Variants in FBXW7 observed in about 807,000 individuals in gnomAD.
FBXW7 encodes F-box and WD repeat domain containing 7, also known as F-box/WD repeat-containing protein 7.
FBXW7 carries 11 observed loss-of-function variants against 86.3 expected under a neutral mutation model. The ratio of observed to expected loss-of-function variants is 0.13; its 90% CI spans 0.08 to 0.21. The LOEUF is 0.21. Among genes scored for constraint, FBXW7 ranks in the 10% least tolerant of loss-of-function variants. The pLI is 1.00. For synonymous variants in FBXW7, 313 were observed against 297.9 expected (o/e 1.05, Z -0.52); for missense variants, 488 against 847.4 (o/e 0.58, Z 5.27).
chr4:152,356,764 C>A (rs1029910879), intron 4 of FBXW7, among the ~76,000 whole-genome samples: 8 of 152,190 alleles, frequency 5.3e-5, no homozygotes, highest in African/African-American at 1.9e-4. Context: ...TAAACCTGTT[C>A]TATTACAGAT....
At chr4:152,442,248 A>G (rs1290087490) in intron 2 of FBXW7, among the ~76,000 whole-genome samples, 1 of 152,198 alleles carries the variant, frequency 6.6e-6, no homozygotes, top group Non-Finnish European at 1.5e-5. Context: ...TACAATCTAC[A>G]GTGGTGGTTC....
At chr4:152,414,803 C>T (rs1338634339) in intron 2 of FBXW7, among the ~76,000 whole-genome samples, 5 of 152,068 alleles carry the variant, frequency 3.3e-5, no homozygotes, top group East Asian at 1.9e-4. Flanking sequence ...CTACAGTCAG[C>T]TCCATTCTGG....
chr4:152,360,417 A>G (rs1392375544), intron 4 of FBXW7, among the ~76,000 whole-genome samples: 1 of 152,194 alleles, frequency 6.6e-6, no homozygotes, highest in Non-Finnish European at 1.5e-5. Flanking sequence ...AGAAAAAGTT[A>G]ATGAAAAAAC....
In FBXW7 at chr4:152,489,120, T is replaced by A. The variant is rs954754462; in HGVS notation, c.-120+45821A>T. ...CAGCACGTATAGAAACACAGATGCA[T>A]CAAACACCAAGGTAAATTCAGAAAT... On this transcript the variant is annotated intron_variant, in intron 2 of 13. Transcript: ENST00000281708. Among the ~76,000 whole-genome samples the A allele has an allele frequency of 3.3e-5, 5 of 152,032 alleles. No individual in the cohort carries two copies. The East Asian group carries it at 9.6e-4, about 29-fold the overall frequency.
At chr4:152,397,437 C>T (rs1218793177) in intron 4 of FBXW7, among the ~76,000 whole-genome samples, 3 of 151,774 alleles carry the variant, frequency 2.0e-5, no homozygotes, top group Admixed American at 2.0e-4. Context: ...TTTCTAAAGA[C>T]AGAGTCTCAC....
At chr4:152,407,241 T>C (rs747242052) in intron 4 of FBXW7, among the ~76,000 whole-genome samples, 16 of 152,212 alleles carry the variant, frequency 1.1e-4, no homozygotes, top group South Asian at 6.2e-4. Flanking sequence ...CCATTTCCAT[T>C]ATCCTCCCCA....
chr4:152,490,395 T>A (rs1382600544), intron 2 of FBXW7, among the ~76,000 whole-genome samples: 1 of 152,076 alleles, frequency 6.6e-6, no homozygotes, highest in African/African-American at 2.4e-5. Flanking sequence ...CTTATTGGAC[T>A]CCCTAGAACC....
chr4:152,474,222 A>C (rs1744200039), intron 2 of FBXW7, among the ~76,000 whole-genome samples: 1 of 152,240 alleles, frequency 6.6e-6, no homozygotes, highest in African/African-American at 2.4e-5. Context: ...ATCTTCCCTT[A>C]AAAGATGCAC....
chr4:152,489,816 C>G (rs546942702), intron 2 of FBXW7, among the ~76,000 whole-genome samples: 35 of 152,134 alleles, frequency 2.3e-4, no homozygotes, highest in Middle Eastern at 3.4e-3. Context: ...CTCAATACCA[C>G]CCCCATGCCT....
rs114993293 is a variant in FBXW7, at chr4:152,460,301, C to T, written c.-119-47772G>A. 6.1e-3 allele frequency among the ~76,000 whole-genome samples: 932 copies of T among 152,258 alleles called. 10 individuals are homozygous for T. The highest frequency in any genetic ancestry group is 0.021 in the African/African-American group (891 of 41,538). ...ATTGTACAATATGTAAATTCCCAAA[C>T]TCCATTATAAACCCAACAATACAGC... On this transcript the variant is annotated intron_variant, in intron 2 of 13. Transcript: ENST00000281708.
At position 152,532,778 on chromosome 4, in the gene FBXW7, A is replaced by T. The variant is rs369597728; in HGVS notation, c.-120+2163T>A. On this transcript the variant is annotated intron_variant, in intron 2 of 13. Transcript: ENST00000281708. ...AATATTGGTCTATCCCCCCTCTCCTATAGCTTTGTGCAATTTGTGTTTGAT... is the reference window on the plus strand; with the variant it reads ...AATATTGGTCTATCCCCCCTCTCCTTTAGCTTTGTGCAATTTGTGTTTGAT... 5.9e-5 allele frequency among the ~76,000 whole-genome samples: 9 copies of T among 152,184 alleles called. No homozygotes were observed. The East Asian group carries it at 1.2e-3, about 20-fold the overall frequency.
chr4:152,386,329 G>A (rs575273945), intron 4 of FBXW7, among the ~76,000 whole-genome samples: 2 of 152,044 alleles, frequency 1.3e-5, no homozygotes, highest in South Asian at 2.1e-4. Flanking sequence ...AATTTAATTC[G>A]TGTCTCAAGT....
chr4:152,383,313 T>C (rs1735253787), intron 4 of FBXW7, among the ~76,000 whole-genome samples: 1 of 152,102 alleles, frequency 6.6e-6, no homozygotes, highest in Non-Finnish European at 1.5e-5. Context: ...AGAGAGGGAA[T>C]GCAGTGTGCC....
At chr4:152,420,340 G>A (rs746104557) in intron 2 of FBXW7, among the ~76,000 whole-genome samples, 6 of 152,120 alleles carry the variant, frequency 3.9e-5, no homozygotes, top group Non-Finnish European at 8.8e-5. Flanking sequence ...CAACTGCAGT[G>A]ACTTCCTCCA....
At chr4:152,471,368 G>C (rs1743939483) in intron 2 of FBXW7, among the ~76,000 whole-genome samples, 1 of 143,192 alleles carries the variant, frequency 7.0e-6, no homozygotes, top group African/African-American at 2.7e-5. Flanking sequence ...AGGGAAGGAA[G>C]GAGGGAAGGA....
chr4:152,472,967 A>C (rs1744091338), intron 2 of FBXW7, among the ~76,000 whole-genome samples: 1 of 152,182 alleles, frequency 6.6e-6, no homozygotes, highest in Non-Finnish European at 1.5e-5. Flanking sequence ...TTTCAATATA[A>C]ATTTTACCAG....
intron 4 of FBXW7, among the ~76,000 whole-genome samples, chr4:152,359,410 G>A (rs1171114527): frequency 1.3e-5 from 2 of 151,986 alleles, no homozygotes; most frequent in African/African-American, 4.8e-5. Flanking sequence ...AGACCAGCCT[G>A]GGCAATATAG....
At chr4:152,506,522 T>C (rs1036234661) in intron 2 of FBXW7, among the ~76,000 whole-genome samples, 1 of 152,218 alleles carries the variant, frequency 6.6e-6, no homozygotes, top group African/African-American at 2.4e-5. Flanking sequence ...CACTAAGACT[T>C]CATGACAGCT....
chr4:152,458,084 G>A (rs1742600167), intron 2 of FBXW7, among the ~76,000 whole-genome samples: 1 of 152,098 alleles, frequency 6.6e-6, no homozygotes, highest in Non-Finnish European at 1.5e-5. Flanking sequence ...CACTGGTGCA[G>A]TCTCAGCTCA....
Sources: allele counts gnomAD v4.1 joint callset (sites outside exome capture counted in the v4.1 genomes callset), GRCh38; gene constraint gnomAD v4.1.1; transcripts MANE v1.5; gene names NCBI Gene and HGNC (gene_info 2026-07-23, HGNC 2026-07-21).